Variants in MEMO1 observed in about 807,000 individuals in gnomAD.
MEMO1 encodes the protein protein MEMO1.
In MEMO1, 6 loss-of-function variants were observed where a neutral mutation model predicts 45.2. The ratio of observed to expected loss-of-function variants is 0.13; its 90% confidence interval spans 0.07 to 0.26. The LOEUF (loss-of-function observed/expected upper bound fraction) is 0.26. Ranked by LOEUF, MEMO1 falls within the 10% of genes least tolerant of loss-of-function variation. The pLI, the probability that MEMO1 is intolerant of heterozygous loss-of-function variation, is 1.00. For synonymous variants in MEMO1, 78 were observed against 124.3 expected (o/e 0.63, Z 2.48); for missense variants, 184 against 370.5 (o/e 0.50, Z 4.13).
At chr2:31,923,199 A>C (rs1682585527) in intron 4 of MEMO1, among the ~76,000 whole-genome samples, 1 of 152,082 alleles carries the variant, frequency 6.6e-6, no homozygotes, top group Admixed American at 6.5e-5. Flanking sequence ...TGTGGTTTTG[A>C]TTTGCATCTC....
intron 6 of MEMO1, among the ~76,000 whole-genome samples, chr2:31,909,850 T>G (rs1680302886): frequency 6.6e-6 from 1 of 152,006 alleles, no homozygotes; most frequent in Admixed American, 6.6e-5. Flanking sequence ...TTTCCAAAAT[T>G]AATGACAGAC....
intron 2 of MEMO1, among the ~76,000 whole-genome samples, chr2:32,002,710 G>T (rs767974682): frequency 6.6e-6 from 1 of 152,144 alleles, no homozygotes; most frequent in South Asian, 2.1e-4. Context: ...ACATACATAC[G>T]TAATATACCT....
chr2:31,966,811 C>A (rs1267803200), intron 2 of MEMO1, among the ~76,000 whole-genome samples: 1 of 151,480 alleles, frequency 6.6e-6, no homozygotes, highest in Non-Finnish European at 1.5e-5. Context: ...TTGAAAACAA[C>A]CTGAGTAAAC....
At chr2:32,008,201 A>G (rs1368630591) in intron 2 of MEMO1, among the ~76,000 whole-genome samples, 2 of 152,240 alleles carry the variant, frequency 1.3e-5, no homozygotes, top group Non-Finnish European at 2.9e-5. Flanking sequence ...TATGTCATAT[A>G]AGATTATCCA....
At chr2:31,961,155 C>G (rs970034067) in intron 2 of MEMO1, among the ~76,000 whole-genome samples, 2 of 151,812 alleles carry the variant, frequency 1.3e-5, no homozygotes, top group South Asian at 4.2e-4. Context: ...GTCAGGAGTT[C>G]GAGACCAGCC....
chr2:31,985,889 G>A (rs1193367084), intron 2 of MEMO1, among the ~76,000 whole-genome samples: 1 of 152,166 alleles, frequency 6.6e-6, no homozygotes, highest in Non-Finnish European at 1.5e-5. Flanking sequence ...AACACTTTGG[G>A]AGGCCAAGAT....
At chr2:32,009,364 C>T (rs965420523) in intron 2 of MEMO1, among the ~76,000 whole-genome samples, 1 of 151,638 alleles carries the variant, frequency 6.6e-6, no homozygotes, top group South Asian at 2.1e-4. Context: ...GAGCTGGGAG[C>T]CCCCCCACCC....
chr2:31,938,850 A>C (rs943227163), intron 3 of MEMO1, among the ~76,000 whole-genome samples: 1 of 148,358 alleles, frequency 6.7e-6, no homozygotes, highest in African/African-American at 2.5e-5. Flanking sequence ...GCAGTGGTGC[A>C]ATCTCAGCTC....
At chr2:31,945,959 C>G (rs1389573692) in intron 2 of MEMO1, among the ~76,000 whole-genome samples, 1 of 152,172 alleles carries the variant, frequency 6.6e-6, no homozygotes, top group African/African-American at 2.4e-5. Flanking sequence ...ATCCACTTGG[C>G]TAGATGTAAG....
intron 2 of MEMO1, among the ~76,000 whole-genome samples, chr2:32,002,192 C>T (rs1373152160): frequency 2.3e-5 from 3 of 128,794 alleles, no homozygotes; most frequent in Non-Finnish European, 4.8e-5. Flanking sequence ...TATATACACA[C>T]ACACACACAC....
chr2:31,927,221 G>A (rs1004492432), intron 4 of MEMO1, among the ~76,000 whole-genome samples: 1 of 152,138 alleles, frequency 6.6e-6, no homozygotes, highest in Non-Finnish European at 1.5e-5. Context: ...TCGGGAGACT[G>A]AGGCAGGAGA....
At chr2:31,979,237 A>G (rs1263738392) in intron 2 of MEMO1, among the ~76,000 whole-genome samples, 1 of 152,168 alleles carries the variant, frequency 6.6e-6, no homozygotes, top group Non-Finnish European at 1.5e-5. Flanking sequence ...CCCATGATCC[A>G]ATCACCTCCC....
At chr2:31,949,964 G>A (rs1572781260) in intron 2 of MEMO1, among the ~76,000 whole-genome samples, 2 of 152,096 alleles carry the variant, frequency 1.3e-5, no homozygotes, top group South Asian at 4.1e-4. Context: ...ATATTTGGGT[G>A]CACCATTATT....
chr2:31,895,929 G>A (rs573567941), intron 6 of MEMO1, among the ~76,000 whole-genome samples: 28 of 135,254 alleles, frequency 2.1e-4, no homozygotes, highest in African/African-American at 5.6e-4. Flanking sequence ...TGTAGGCTCC[G>A]CCCCCCGGGG....
intron 8 of MEMO1, among the ~76,000 whole-genome samples, chr2:31,882,086 G>A (rs570063199): frequency 3.3e-4 from 50 of 152,290 alleles, no homozygotes; most frequent in Middle Eastern, 3.4e-3. Flanking sequence ...AGAGGCTACA[G>A]TAAGCCAAGA....
intron 8 of MEMO1, among the ~76,000 whole-genome samples, chr2:31,875,384 A>C (rs1674409744): frequency 6.6e-6 from 1 of 152,080 alleles, no homozygotes; most frequent in South Asian, 2.1e-4. Flanking sequence ...ATTTCAACAA[A>C]GTACCACAAG....
chr2:31,885,811 G>T (rs892210520), intron 7 of MEMO1, among the ~76,000 whole-genome samples: 1 of 152,158 alleles, frequency 6.6e-6, no homozygotes, highest in South Asian at 2.1e-4. Flanking sequence ...AGAGAAAAAC[G>T]CATATACTAC....
intron 7 of MEMO1, among the ~76,000 whole-genome samples, chr2:31,884,486 T>A (rs1427761413): frequency 6.6e-6 from 1 of 152,210 alleles, no homozygotes; most frequent in African/African-American, 2.4e-5. Context: ...GTTACCACCC[T>A]CACACCTGAA....
rs895621628 is a variant in MEMO1, at chr2:31,960,678, G to C, written c.62-17295C>G. On this transcript the variant is annotated intron_variant, in intron 2 of 9. Transcript: ENST00000404530. ...TTGGCTCACTGCAACCTCCACTTCC[G>C]GGGTTCAAGCAATTCTTGTGCCTCA... Among the ~76,000 whole-genome samples the C allele has an allele frequency of 3.3e-5, 5 of 152,034 alleles. No homozygotes were observed. In the Middle Eastern group the frequency reaches 0.017, roughly 517 times the overall value.
Sources: gnomAD v4.1 joint callset for allele counts (sites outside exome capture counted in the v4.1 genomes callset) on GRCh38, gnomAD v4.1.1 for gene constraint, MANE v1.5 for transcripts, NCBI Gene and HGNC (gene_info 2026-07-23, HGNC 2026-07-21) for gene names.